Variants in NLK observed in about 807,000 individuals in gnomAD.
The protein encoded by NLK is serine/threonine-protein kinase NLK.
Under a neutral mutation model 59.0 loss-of-function variants are expected in NLK, and 11 were observed. The ratio of observed to expected loss-of-function variants is 0.19; its 90% confidence interval spans 0.12 to 0.31. NLK has a LOEUF of 0.31. NLK is among the 10% of genes least tolerant of loss of function. The probability of loss-of-function intolerance (pLI) is 1.00; values close to 1 mark genes in which losing one functional copy is unlikely to be tolerated. For missense variants in NLK, 410 were observed against 661.1 expected, an observed-to-expected ratio of 0.62 and a Z score of 4.16; for synonymous variants, 235 against 235.9, an observed-to-expected ratio of 1.00 and a Z score of 0.03.
chr17:28,095,087 A>G (rs1053377044), intron 1 of NLK, among the ~76,000 whole-genome samples: 26 of 152,288 alleles, frequency 1.7e-4, no homozygotes, highest in African/African-American at 5.3e-4. Flanking sequence ...AAAAATTGGG[A>G]AGATACAAAT....
At chr17:28,184,800 A>G (rs1486834384) in intron 7 of NLK, among the ~76,000 whole-genome samples, 1 of 152,030 alleles carries the variant, frequency 6.6e-6, no homozygotes, top group Non-Finnish European at 1.5e-5. Flanking sequence ...ATACAAAATT[A>G]CCCAAGCGTG....
rs566755905 is a variant in NLK, at chr17:28,175,124, T to G, written c.1149+2506T>G. On this transcript the variant is annotated intron_variant, in intron 7 of 10. Coordinates refer to ENST00000407008, the MANE Select transcript of NLK (RefSeq NM_016231.5). The stretch of plus-strand genomic sequence containing the variant: ...TGCTCTGCACAGGTTATGTACTCAA[T>G]TTATAACCTCTGGACTGTAGTGATT... Among the ~76,000 whole-genome samples, 6 of 152,080 alleles carry G rather than the reference T, an allele frequency of 3.9e-5. No individual in the cohort carries two copies. The South Asian group carries it at 1.2e-3, about 32-fold the overall frequency.
At chr17:28,115,267 A>G (rs1905713922) in intron 1 of NLK, among the ~76,000 whole-genome samples, 1 of 152,192 alleles carries the variant, frequency 6.6e-6, no homozygotes, top group South Asian at 2.1e-4. Flanking sequence ...CTCTCTCTAC[A>G]ACATTCTGTT....
At chr17:28,144,257 C>G (rs142108927) in intron 3 of NLK, among the ~76,000 whole-genome samples, 1 of 152,220 alleles carries the variant, frequency 6.6e-6, no homozygotes, top group Non-Finnish European at 1.5e-5. Context: ...TGTAGCAAAT[C>G]CTGAGATTGT....
intron 7 of NLK, among the ~76,000 whole-genome samples, chr17:28,183,885 G>T (rs184039382): frequency 1.4e-3 from 218 of 152,318 alleles, no homozygotes; most frequent in African/African-American, 5.2e-3. Flanking sequence ...AGCATGGGAA[G>T]AAAAGGAGTC....
chr17:28,189,908 C>T (rs1909249837), intron 8 of NLK, among the ~76,000 whole-genome samples: 1 of 152,166 alleles, frequency 6.6e-6, no homozygotes, highest in African/African-American at 2.4e-5. Flanking sequence ...CCGCTTTCTT[C>T]TGTGATTATC....
intron 1 of NLK, among the ~76,000 whole-genome samples, chr17:28,093,995 A>G (rs1904606808): frequency 6.7e-6 from 1 of 149,094 alleles, no homozygotes; most frequent in African/African-American, 2.6e-5. Context: ...AAAGATTGCA[A>G]AAAAATGACT....
chr17:28,188,044 A>G (rs777197164), intron 8 of NLK, among the ~76,000 whole-genome samples: 5 of 152,072 alleles, frequency 3.3e-5, no homozygotes, highest in Non-Finnish European at 5.9e-5. Flanking sequence ...AAAATTAAAA[A>G]TTTTTTAAAT....
In NLK at chr17:28,043,175, A is replaced by AGGCTCCTGGACC; in HGVS notation, c.303_314dup (p.Pro103_Ala106dup). On this transcript the variant is annotated inframe_insertion, in exon 1 of 11. Transcript: ENST00000407008. ...TATTTCCCATCACCGGCACCGGGGC[A>AGGCTCCTGGACC]GGCTCCTGGACCAGCTGCAGCAGCC... 1.9e-6 allele frequency: 3 copies of AGGCTCCTGGACC among 1,613,878 alleles called. No homozygotes were observed. The highest frequency in any genetic ancestry group is 2.5e-6 in the Non-Finnish European group (3 of 1,179,836).
chr17:28,133,233 A>T (rs1228220677), intron 3 of NLK, among the ~76,000 whole-genome samples: 1 of 152,188 alleles, frequency 6.6e-6, no homozygotes, highest in African/African-American at 2.4e-5. Flanking sequence ...TAATCCTACA[A>T]ACATTCTCTG....
chr17:28,111,897 GTGT>G (rs1567717080), intron 1 of NLK, among the ~76,000 whole-genome samples: 7 of 31,196 alleles, frequency 2.2e-4, no homozygotes, highest in African/African-American at 6.0e-4. Context: ...TGTGTGTGTG[GTGT>G]GTGTGTGTGT....
Position 28,104,865 on chromosome 17 carries a change from G to T in NLK, c.459-17738G>T, listed in dbSNP as rs547563040. Among the ~76,000 whole-genome samples, 3 of 152,284 alleles carry T rather than the reference G, an allele frequency of 2.0e-5. No individual in the cohort carries two copies. The South Asian group carries it at 6.2e-4, about 32-fold the overall frequency. On this transcript the variant is annotated intron_variant, in intron 1 of 10. Transcript: ENST00000407008. ...TTGGATATTATTAATAATAGCCAAA[G>T]AAAGAAACTAAGAACAAGTTGATGC...
rs1160739854 is a variant in NLK at position 28,077,310 on chromosome 17, A to AT, written c.458+33980dup. Among the ~76,000 whole-genome samples the AT allele has an allele frequency of 2.6e-5, 4 of 151,870 alleles. No homozygotes were observed. In the East Asian group the frequency reaches 5.8e-4, roughly 22 times the overall value. On this transcript the variant is annotated intron_variant, in intron 1 of 10. Transcript: ENST00000407008. ...TGGGAGGCGAAAGGCACCTCTTAACATGGTGGCGGCAAGAGAAAATGAGGA... is the reference window on the plus strand; with the variant it reads ...TGGGAGGCGAAAGGCACCTCTTAACATTGGTGGCGGCAAGAGAAAATGAGGA...
At position 28,072,889 on chromosome 17, in the gene NLK, T is replaced by C. The variant is rs375024581; in HGVS notation, c.458+29558T>C. On this transcript the variant is annotated intron_variant, in intron 1 of 10. Coordinates refer to ENST00000407008, the MANE Select transcript of NLK (RefSeq NM_016231.5). ...TTATGTTTGCATCTGATAATACTCT[T>C]ATCTGCTGTCTTTGTTGGTCTAATA... is the stretch of plus-strand genomic sequence containing the variant. Among the ~76,000 whole-genome samples, 8 of 152,212 alleles carry C rather than the reference T, an allele frequency of 5.3e-5. No individual in the cohort carries two copies. In the East Asian group the frequency reaches 1.5e-3, roughly 29 times the overall value.
At chr17:28,104,348 G>A (rs556624178) in intron 1 of NLK, among the ~76,000 whole-genome samples, 6 of 152,114 alleles carry the variant, frequency 3.9e-5, no homozygotes, top group Middle Eastern at 6.8e-3. Flanking sequence ...TCCGCCTCCC[G>A]GGTTCAAGCG....
chr17:28,076,412 A>G (rs1910160626), intron 1 of NLK, among the ~76,000 whole-genome samples: 1 of 152,038 alleles, frequency 6.6e-6, no homozygotes, highest in African/African-American at 2.4e-5. Flanking sequence ...TCTTTTATAA[A>G]CGGCACTAAT....
At chr17:28,051,399 C>T (rs1257309635) in intron 1 of NLK, among the ~76,000 whole-genome samples, 2 of 150,046 alleles carry the variant, frequency 1.3e-5, no homozygotes, top group Admixed American at 1.3e-4. Flanking sequence ...CTTCCGCTGT[C>T]ACCAGGCTGG....
intron 1 of NLK, among the ~76,000 whole-genome samples, chr17:28,055,314 A>G (rs1393484955): frequency 6.6e-6 from 1 of 151,806 alleles, no homozygotes; most frequent in Admixed American, 6.6e-5. Flanking sequence ...GATGGTCTCA[A>G]TCTCTTGACC....
intron 7 of NLK, among the ~76,000 whole-genome samples, chr17:28,184,273 A>G (rs1050792662): frequency 6.6e-6 from 1 of 152,250 alleles, no homozygotes; most frequent in African/African-American, 2.4e-5. Context: ...TGGTAATGTC[A>G]TAAGACATAG....
Sources: gnomAD v4.1 joint callset for allele counts (sites outside exome capture counted in the v4.1 genomes callset) on GRCh38, gnomAD v4.1.1 for gene constraint, MANE v1.5 for transcripts, NCBI Gene and HGNC (gene_info 2026-07-23, HGNC 2026-07-21) for gene names.